The following SYNE2 variants were observed in gnomAD, a reference collection of about 807,000 sequenced individuals.
SYNE2 encodes the protein spectrin repeat containing nuclear envelope protein 2.
Under a neutral mutation model 856.3 loss-of-function variants are expected in SYNE2, and 431 were observed. The observed-to-expected ratio is 0.50, with a 90% confidence interval of 0.47 to 0.55. The LOEUF (loss-of-function observed/expected upper bound fraction) is 0.55. Among genes scored for constraint, SYNE2 ranks in the 20% least tolerant of loss-of-function variants. SYNE2 has a pLI of 0.00. For synonymous variants in SYNE2, 2,923 were observed against 2,872.3 expected, an observed-to-expected ratio of 1.02 and a Z score of -0.56; for missense variants, 8,129 against 8,023.2, an observed-to-expected ratio of 1.01 and a Z score of -0.50.
Position 64,053,268 on chromosome 14 carries a change from G to A in SYNE2, c.9355G>A (p.Glu3119Lys). 1 of 1,609,034 alleles carries A rather than the reference G, an allele frequency of 6.2e-7. No individual in the cohort carries two copies. The highest frequency in any genetic ancestry group is 8.5e-7 in the Non-Finnish European group (1 of 1,178,576). Residue 3119 changes from glutamate (E) to lysine (K), a missense_variant, in exon 48 of 116, where the codon GAA (glutamate) becomes AAA (lysine). Glu to Lys is a moderately conservative substitution (Grantham distance 56, BLOSUM62 1). Coordinates refer to ENST00000555002, the MANE Select transcript of SYNE2 (RefSeq NM_182914.3). ...CTTTGATGACTCATTCAAGGAGAAA[G>A]AAATACTACAAATAAAGCTGAATGC... is the stretch of plus-strand genomic sequence containing the variant. ...KTFDDSFKEK[E>K]ILQIKLNAEE...
At chr14:64,085,718 C>A (rs1307476246) in intron 57 of SYNE2, among the ~76,000 whole-genome samples, 1 of 152,146 alleles carries the variant, frequency 6.6e-6, no homozygotes, top group Non-Finnish European at 1.5e-5. Flanking sequence ...TAGTGACTTG[C>A]AGTGGTATTT....
chr14:63,925,392 G>A (rs1012001021), intron 2 of SYNE2, among the ~76,000 whole-genome samples: 6 of 124,910 alleles, frequency 4.8e-5, no homozygotes, highest in Admixed American at 8.5e-5. Context: ...TTGTGAATAC[G>A]TAGTAGTTGT....
At position 64,132,345 on chromosome 14, in the gene SYNE2, CAG is replaced by C. The variant is rs1567403994; in HGVS notation, c.14427_14428del (p.Glu4809AspfsTer11). 3 of 1,614,096 alleles carry C rather than the reference CAG, an allele frequency of 1.9e-6. No individual in the cohort carries two copies. Among genetic ancestry groups the C allele is most frequent in the Admixed American group, 3.3e-5 (2 of 60,014 alleles). ...AAATACTTCCTTCTTTATTGCAAAA[CAG>C]AGAGACATTTTGGGCAGAACAAGTA... is the stretch of plus-strand genomic sequence containing the variant. Reference protein sequence around the residue: ...AKILPSLLQNRETFWAEQVTE... With the variant: ...AKILPSLLQNXETFWAEQVTE... On this transcript the variant is annotated frameshift_variant, in exon 77 of 116. Coordinates refer to ENST00000555002, the MANE Select transcript of SYNE2 (RefSeq NM_182914.3). LOFTEE classifies it high-confidence loss of function.
chr14:64,167,118 G>A, intron 90 of SYNE2, 115 bp from the exon 91 acceptor site: 4 of 1,330,480 alleles, frequency 3.0e-6, no homozygotes, highest in Admixed American at 1.9e-5. Context: ...CTGTGGGCAA[G>A]TCATTTGCCT....
chr14:63,952,313 G>A (rs2096175288), intron 7 of SYNE2, among the ~76,000 whole-genome samples: 1 of 152,194 alleles, frequency 6.6e-6, no homozygotes, highest in African/African-American at 2.4e-5. Context: ...GCTGAGGTCT[G>A]GCCCTGCCCT....
At position 64,218,474 on chromosome 14, in the gene SYNE2, A is replaced by G; in HGVS notation, c.19619A>G (p.Glu6540Gly). ...GTCCTGAATGGCAACCCACAGCAGG[A>G]AGACGGGGGACTGGCCGGTATCACA... is the stretch of plus-strand genomic sequence containing the variant. ...PRVLNGNPQQ[E>G]DGGLAGITEQ... is the part of the protein sequence containing the mutation. Residue 6540 changes from glutamate to glycine, a missense_variant, in exon 109 of 116, where the codon GAA (glutamate) becomes GGA (glycine). Around this residue, in one of 3 missense-constraint regions of SYNE2, gnomAD observed 5,410 missense variants for 5,284.8 expected, o/e 1.02. Transcript: ENST00000555002. 1 of 1,614,108 alleles carries G rather than the reference A, an allele frequency of 6.2e-7. No individual in the cohort carries two copies. The highest frequency in any genetic ancestry group is 1.3e-5 in the African/African-American group (1 of 75,046).
chr14:64,189,935 T>G, intron 98 of SYNE2, 136 bp from the exon 99 acceptor site: 1 of 968,316 alleles, frequency 1.0e-6, no homozygotes, highest in Non-Finnish European at 1.5e-6. Context: ...ACTGCTGGGA[T>G]TATTGGTATG....
intron 1 of SYNE2, among the ~76,000 whole-genome samples, chr14:63,808,002 C>T (rs1888446683): frequency 8.7e-6 from 1 of 114,770 alleles, no homozygotes; most frequent in Non-Finnish European, 1.8e-5. Flanking sequence ...CCCTCACCCC[C>T]ATCCCACCCT....
At chr14:63,835,660 A>G (rs1889830198) in intron 1 of SYNE2, among the ~76,000 whole-genome samples, 1 of 151,868 alleles carries the variant, frequency 6.6e-6, no homozygotes, top group East Asian at 1.9e-4. Context: ...GTTTTCTAGT[A>G]CCTCATTTCT....
intron 1 of SYNE2, among the ~76,000 whole-genome samples, chr14:63,892,684 G>A (rs2095160613): frequency 6.7e-6 from 1 of 148,566 alleles, no homozygotes; most frequent in Non-Finnish European, 1.5e-5. Flanking sequence ...TATTATTTCT[G>A]TTTTTATTTG....
At chr14:64,110,343 T>G (rs1390217979) in intron 65 of SYNE2, among the ~76,000 whole-genome samples, 2 of 152,194 alleles carry the variant, frequency 1.3e-5, no homozygotes, top group Non-Finnish European at 2.9e-5. Flanking sequence ...AGCAATGTGA[T>G]TCACCAACTG....
chr14:63,961,545 G>C lies in SYNE2; in HGVS notation c.808G>C (p.Asp270His), dbSNP rs2096314556. Residue 270 changes from aspartate to histidine, a missense_variant, in exon 9 of 116, where the codon GAT becomes CAT. Around this residue, in one of 3 missense-constraint regions of SYNE2, gnomAD observed 2,422 missense variants for 2,357.4 expected, o/e 1.03. Transcript: ENST00000555002. ...EPEDVDVVDPDEKSIMTYVAQ... is the reference protein window; with the variant it reads ...EPEDVDVVDPHEKSIMTYVAQ... ...TGCAGATGTGGATGTTGTTGATCCT[G>C]ATGAAAAGTCCATCATGACCTATGT... 5.0e-6 allele frequency: 8 copies of C among 1,613,894 alleles called. No homozygotes were observed. Among genetic ancestry groups the C allele is most frequent in the Non-Finnish European group, 6.8e-6 (8 of 1,179,874 alleles).
At chr14:63,917,080 C>A (rs556865406) in intron 2 of SYNE2, among the ~76,000 whole-genome samples, 10 of 152,006 alleles carry the variant, frequency 6.6e-5, no homozygotes, top group African/African-American at 2.4e-4. Flanking sequence ...CAGAGTGAGA[C>A]CCTGTCTTTA....
In SYNE2 at chr14:63,957,457, T is replaced by C. The variant is rs143779022; in HGVS notation, c.787+2542T>C. Among the ~76,000 whole-genome samples, 1,333 of 151,796 alleles carry C rather than the reference T, an allele frequency of 8.8e-3. 20 individuals carry two copies. The highest frequency in any genetic ancestry group is 8.6e-3 in the Non-Finnish European group (585 of 67,898). On this transcript the variant is annotated intron_variant, in intron 8 of 115. Transcript: ENST00000555002. ...CTAATTTTTGTATTTTTAGTAGAGA[T>C]GGGGTTTTGCTATGTTGTCCAGGCT...
intron 11 of SYNE2, among the ~76,000 whole-genome samples, chr14:63,970,377 T>TG (rs1330889110): frequency 1.3e-5 from 2 of 152,136 alleles, no homozygotes; most frequent in Non-Finnish European, 2.9e-5. Context: ...TTTGTAGAGA[T>TG]GGAGTTTTGC....
At position 63,941,866 on chromosome 14, in the gene SYNE2, A is replaced by G. The variant is rs1411293215; in HGVS notation, c.238-19A>G. 6.2e-7 allele frequency: 1 copy of G among 1,612,764 alleles called. No individual in the cohort carries two copies. Among genetic ancestry groups the G allele is most frequent in the Admixed American group, 1.7e-5 (1 of 60,022 alleles). ...GTATTTCATTTTTTCTGAGTAATATATTTGCTTGAATTTCACAGCCTCGGG... is the reference window on the plus strand; with the variant it reads ...GTATTTCATTTTTTCTGAGTAATATGTTTGCTTGAATTTCACAGCCTCGGG... On this transcript the variant is annotated intron_variant, in intron 4 of 115. Transcript: ENST00000555002.
chr14:64,015,382 GC>G (rs1424980642), intron 32 of SYNE2, among the ~76,000 whole-genome samples: 1 of 151,836 alleles, frequency 6.6e-6, no homozygotes, highest in East Asian at 1.9e-4. Flanking sequence ...TATTAATAGG[GC>G]AATTCCCATT....
In SYNE2 at chr14:64,093,403, A is replaced by G; in HGVS notation, c.12031A>G (p.Ile4011Val). 1 of 1,614,144 alleles carries G rather than the reference A, an allele frequency of 6.2e-7. No individual in the cohort carries two copies. The highest frequency in any genetic ancestry group is 8.5e-7 in the Non-Finnish European group (1 of 1,179,976). ...WDEEIENLKQ[I>V]LNNYSAQFSL... ...TGAAGAAATAGAAAATTTGAAACAGATCTTAAATAATTATTCAGCTCAGTT... is the reference window on the plus strand; with the variant it reads ...TGAAGAAATAGAAAATTTGAAACAGGTCTTAAATAATTATTCAGCTCAGTT... Residue 4011 changes from isoleucine to valine, a missense_variant, in exon 61 of 116, where the codon ATC becomes GTC. Physicochemically the swap from Ile to Val is conservative, Grantham distance 29. Around this residue, in one of 3 missense-constraint regions of SYNE2, gnomAD observed 5,410 missense variants for 5,284.8 expected, o/e 1.02. Coordinates refer to ENST00000555002, the MANE Select transcript of SYNE2 (RefSeq NM_182914.3).
chr14:64,169,659 C>T (rs376889427), intron 93 of SYNE2, among the ~76,000 whole-genome samples: 145 of 152,326 alleles, frequency 9.5e-4, no homozygotes, highest in African/African-American at 3.4e-3. Context: ...CCTTTTCTCC[C>T]TAGCTCTGAA....
Sources: allele counts gnomAD v4.1 joint callset (sites outside exome capture counted in the v4.1 genomes callset), GRCh38; gene constraint gnomAD v4.1.1; regional missense constraint gnomAD v4.1.1; transcripts MANE v1.5; gene names NCBI Gene and HGNC (gene_info 2026-07-23, HGNC 2026-07-21).